The following IGSF21 variants were observed in gnomAD, a reference collection of about 807,000 sequenced individuals.
IGSF21 encodes the protein immunoglobulin superfamily member 21.
A neutral mutation model predicts 46.8 loss-of-function variants in IGSF21; 28 were observed. The observed-to-expected ratio is 0.60, with a 90% CI of 0.44 to 0.82. The LOEUF (loss-of-function observed/expected upper bound fraction) is 0.82. Among genes scored for constraint, IGSF21 ranks in the 40% least tolerant of loss-of-function variants. The pLI is 0.00. For synonymous variants in IGSF21, 284 were observed against 273.6 expected (o/e 1.04, Z -0.38); for missense variants, 624 against 665.5 (o/e 0.94, Z 0.69).
Position 18,349,175 on chromosome 1 carries a change from C to T in IGSF21, c.425-12940C>T, listed in dbSNP as rs895672170. ...AGGCTCAGACAGAAGAAGCAACTTA[C>T]CCAAGACCCCGTGACTTAGGGAGTG... is the stretch of plus-strand genomic sequence containing the variant. On this transcript the variant is annotated intron_variant, in intron 4 of 9. Coordinates refer to ENST00000251296, the MANE Select transcript of IGSF21 (RefSeq NM_032880.5). Among the ~76,000 whole-genome samples, 20 of 152,126 alleles carry T rather than the reference C, an allele frequency of 1.3e-4. 1 individual carries two copies. The highest frequency in any genetic ancestry group is 4.8e-4 in the African/African-American group (20 of 41,420).
intron 1 of IGSF21, among the ~76,000 whole-genome samples, chr1:18,137,045 A>G (rs1166656869): frequency 6.6e-6 from 1 of 152,088 alleles, no homozygotes; most frequent in Non-Finnish European, 1.5e-5. Flanking sequence ...TTATAAGAAA[A>G]GAGGTTTAAT....
At chr1:18,269,922 G>C (rs1022233568) in intron 2 of IGSF21, among the ~76,000 whole-genome samples, 1 of 152,200 alleles carries the variant, frequency 6.6e-6, no homozygotes, top group East Asian at 1.9e-4. Flanking sequence ...AAAACCCAGA[G>C]ACTTTTCCAG....
chr1:18,324,883 T>C (rs1183326725), intron 3 of IGSF21, among the ~76,000 whole-genome samples: 1 of 152,150 alleles, frequency 6.6e-6, no homozygotes, highest in African/African-American at 2.4e-5. Flanking sequence ...GGTTATTCCG[T>C]CTTCGGTATC....
At chr1:18,208,397 T>TATATATATATATATATATATATATATA (rs368652183) in intron 1 of IGSF21, among the ~76,000 whole-genome samples, 1,253 of 92,072 alleles carry the variant, frequency 0.014, 172 homozygotes, top group Middle Eastern at 0.02. Flanking sequence ...ATATATATAT[T>TATATATATATATATATATATATATATA]TTTTGAGACG....
At chr1:18,161,413 G>A (rs901493952) in intron 1 of IGSF21, among the ~76,000 whole-genome samples, 7 of 152,036 alleles carry the variant, frequency 4.6e-5, no homozygotes, top group South Asian at 2.1e-4. Flanking sequence ...TTCCAACATC[G>A]TGCCCTGTAT....
intron 1 of IGSF21, among the ~76,000 whole-genome samples, chr1:18,192,124 T>C (rs1014544545): frequency 1.3e-5 from 2 of 152,222 alleles, no homozygotes; most frequent in African/African-American, 2.4e-5. Flanking sequence ...GGGTGGACTC[T>C]TGGCGCTGCA....
intron 1 of IGSF21, among the ~76,000 whole-genome samples, chr1:18,187,724 A>G (rs1247416740): frequency 6.6e-6 from 1 of 152,076 alleles, no homozygotes; most frequent in Non-Finnish European, 1.5e-5. Flanking sequence ...CCTCCCAGAA[A>G]TCCTACCTCC....
At chr1:18,147,952 T>C (rs918350610) in intron 1 of IGSF21, among the ~76,000 whole-genome samples, 3 of 152,100 alleles carry the variant, frequency 2.0e-5, no homozygotes, top group East Asian at 1.9e-4. Flanking sequence ...TCATGAGATC[T>C]GATGGCTTTA....
At chr1:18,359,466 A>AAG (rs2086075461) in intron 4 of IGSF21, among the ~76,000 whole-genome samples, 95 of 13,312 alleles carry the variant, frequency 7.1e-3, no homozygotes, top group African/African-American at 0.015. Flanking sequence ...AAGAAAGGGA[A>AAG]GGAAGGAAGG....
At chr1:18,221,814 A>G (rs2084513289) in intron 1 of IGSF21, among the ~76,000 whole-genome samples, 2 of 152,034 alleles carry the variant, frequency 1.3e-5, no homozygotes, top group South Asian at 4.2e-4. Flanking sequence ...GTGGCTGAGT[A>G]ATTGGTGGAT....
chr1:18,162,497 CCATCAGGA>C (rs111571835), intron 1 of IGSF21, among the ~76,000 whole-genome samples: 12,225 of 152,196 alleles, frequency 0.08, 587 homozygotes, highest in African/African-American at 0.14. Flanking sequence ...GTCACCCATG[CCATCAGGA>C]CAGTGATACA....
chr1:18,142,999 T>A (rs1343413523), intron 1 of IGSF21, among the ~76,000 whole-genome samples: 1 of 152,180 alleles, frequency 6.6e-6, no homozygotes, highest in Non-Finnish European at 1.5e-5. Context: ...GTCTGGCCTC[T>A]CCAATTTGGG....
At chr1:18,295,097 AG>A in intron 3 of IGSF21, among the ~76,000 whole-genome samples, 1 of 152,222 alleles carries the variant, frequency 6.6e-6, no homozygotes, top group Non-Finnish European at 1.5e-5. Flanking sequence ...GGACTCCTGG[AG>A]CTTTTTGTCC....
At position 18,362,217 on chromosome 1, in the gene IGSF21, A is replaced by G; in HGVS notation, c.527A>G (p.Lys176Arg). The change falls in exon 5 of 10, where the codon AAA becomes AGA. Residue 176 changes from lysine (K) to arginine (R), a missense_variant. Coordinates refer to ENST00000251296, the MANE Select transcript of IGSF21 (RefSeq NM_032880.5). ...CTGGTCTGCATCGTGTCTGGAGGAA[A>G]ACCAGCACCCATGGTGAGTACCCCT... The part of the protein sequence containing the change: ...FTLVCIVSGG[K>R]PAPMVYFKRD... The G allele has an allele frequency of 6.2e-7, 1 of 1,611,880 alleles. No individual in the cohort carries two copies.
intron 2 of IGSF21, among the ~76,000 whole-genome samples, chr1:18,271,185 A>G (rs1338898753): frequency 6.6e-6 from 1 of 151,968 alleles, no homozygotes; most frequent in Admixed American, 6.6e-5. Flanking sequence ...GAGGATGGAG[A>G]GCTCACCACC....
chr1:18,204,637 G>A (rs1245353747), intron 1 of IGSF21, among the ~76,000 whole-genome samples: 1 of 152,120 alleles, frequency 6.6e-6, no homozygotes, highest in African/African-American at 2.4e-5. Context: ...GGGCCATCCA[G>A]TTTACAAACA....
intron 1 of IGSF21, chr1:18,113,877 C>T (rs953872736): frequency 2.6e-5 from 4 of 152,186 alleles, no homozygotes; most frequent in African/African-American, 7.2e-5. Context: ...GTCCCGTGGG[C>T]TCTGATGCTT....
intron 2 of IGSF21, among the ~76,000 whole-genome samples, chr1:18,241,509 C>T (rs2084727669): frequency 6.6e-6 from 1 of 152,222 alleles, no homozygotes; most frequent in African/African-American, 2.4e-5. Context: ...CAAAACCCAA[C>T]TCTCTGACTA....
At chr1:18,127,065 T>C (rs1179371917) in intron 1 of IGSF21, among the ~76,000 whole-genome samples, 1 of 152,222 alleles carries the variant, frequency 6.6e-6, no homozygotes, top group Non-Finnish European at 1.5e-5. Flanking sequence ...ATGTTCCATC[T>C]ACCAGTGACC....
Sources: allele counts gnomAD v4.1 joint callset (sites outside exome capture counted in the v4.1 genomes callset), GRCh38; gene constraint gnomAD v4.1.1; transcripts MANE v1.5; gene names NCBI Gene and HGNC (gene_info 2026-07-23, HGNC 2026-07-21).